The following ASTN2 variants were observed in gnomAD, a reference collection of about 807,000 sequenced individuals.
ASTN2 encodes the protein astrotactin 2, also known as astrotactin-2.
In ASTN2, 54 loss-of-function variants were observed where a neutral mutation model predicts 139.8. That is an observed-to-expected ratio of 0.39 (90% CI 0.31 to 0.48). The LOEUF (loss-of-function observed/expected upper bound fraction) is 0.48. Among genes scored for constraint, ASTN2 ranks in the 20% least tolerant of loss-of-function variants. The pLI, the probability that ASTN2 is intolerant of heterozygous loss-of-function variation, is 0.95. For synonymous variants in ASTN2, 756 were observed against 719.5 expected (o/e 1.05, Z -0.81); for missense variants, 1,565 against 1,725.1 (o/e 0.91, Z 1.64).
At chr9:116,806,804 A>T (rs1486003654) in intron 12 of ASTN2, among the ~76,000 whole-genome samples, 1 of 152,174 alleles carries the variant, frequency 6.6e-6, no homozygotes, top group African/African-American at 2.4e-5. Context: ...AAAAAACAGG[A>T]ATTGCAATAT....
chr9:116,686,262 C>T (rs1271351293), intron 16 of ASTN2, among the ~76,000 whole-genome samples: 1 of 152,140 alleles, frequency 6.6e-6, no homozygotes, highest in African/African-American at 2.4e-5. Context: ...CTAGGTTACA[C>T]AACAGGTGTA....
intron 19 of ASTN2, among the ~76,000 whole-genome samples, chr9:116,601,269 T>C (rs552671828): frequency 6.6e-6 from 1 of 152,192 alleles, no homozygotes; most frequent in African/African-American, 2.4e-5. Context: ...CCTTGTACGA[T>C]GTGTCAAAAA....
intron 6 of ASTN2, among the ~76,000 whole-genome samples, chr9:117,021,929 G>T (rs1837895352): frequency 1.3e-5 from 2 of 152,114 alleles, no homozygotes; most frequent in Non-Finnish European, 2.9e-5. Context: ...GTTCTACTGT[G>T]AAATAAAAGA....
rs186939039 is a variant in ASTN2 at position 117,316,622 on chromosome 9, C to T, written c.443-25109G>A. Among the ~76,000 whole-genome samples the T allele has an allele frequency of 1.2e-4, 18 of 152,268 alleles. No homozygotes were observed. In the East Asian group the frequency reaches 2.7e-3, roughly 23 times the overall value. ...GATGCTCAATCTGCTGGTATGCACT[C>T]TGGCTGAGGACATCACTCCCTCAGA... On this transcript the variant is annotated intron_variant, in intron 1 of 22. Transcript: ENST00000313400.
In ASTN2 at chr9:116,637,640, A is replaced by T. The variant is rs78007921; in HGVS notation, c.3072+13888T>A. 9.8e-5 allele frequency among the ~76,000 whole-genome samples: 15 copies of T among 152,296 alleles called. 1 individual carries two copies. The East Asian group carries it at 2.9e-3, about 29-fold the overall frequency. On this transcript the variant is annotated intron_variant, in intron 17 of 22. Transcript: ENST00000313400. ...AAGAAATGTATAGAAAAATACTTTG[A>T]TTCAATATAAAGAAGGGGCTGGGTA...
At chr9:116,570,776 T>C (rs1041691363) in intron 19 of ASTN2, among the ~76,000 whole-genome samples, 2 of 152,172 alleles carry the variant, frequency 1.3e-5, no homozygotes, top group Non-Finnish European at 2.9e-5. Context: ...CTCATCTGAA[T>C]CTGTTTCACT....
chr9:117,108,652 A>G (rs1400450409), intron 4 of ASTN2, among the ~76,000 whole-genome samples: 1 of 152,184 alleles, frequency 6.6e-6, no homozygotes, highest in East Asian at 1.9e-4. Flanking sequence ...CTCACTAGGG[A>G]AAACCTAGCA....
rs1180595871 is a variant in ASTN2 at position 117,196,315 on chromosome 9, T to C, written c.1015+18043A>G. Among the ~76,000 whole-genome samples the C allele has an allele frequency of 2.0e-5, 3 of 152,154 alleles. No individual in the cohort carries two copies. The East Asian group carries it at 5.8e-4, about 29-fold the overall frequency. On this transcript the variant is annotated intron_variant, in intron 3 of 22. Coordinates refer to ENST00000313400, the MANE Select transcript of ASTN2 (RefSeq NM_001365068.1). ...GAAGAGTGGTAGAAATCAGCTGTTG[T>C]CAGCAGCAGCAGCAACAGTATCCTA...
At chr9:116,465,969 T>C (rs1588085174) in intron 20 of ASTN2, among the ~76,000 whole-genome samples, 1 of 151,700 alleles carries the variant, frequency 6.6e-6, no homozygotes, top group East Asian at 1.9e-4. Context: ...CTCCATACTT[T>C]ATTTTATTTC....
At chr9:117,178,501 G>T (rs1830973703) in intron 3 of ASTN2, among the ~76,000 whole-genome samples, 1 of 152,320 alleles carries the variant, frequency 6.6e-6, no homozygotes, top group Admixed American at 6.5e-5. Flanking sequence ...ATGTCCAACA[G>T]GAGAGGCCAG....
At chr9:117,360,595 CAT>C (rs1201612557) in intron 1 of ASTN2, among the ~76,000 whole-genome samples, 2 of 152,140 alleles carry the variant, frequency 1.3e-5, no homozygotes, top group East Asian at 3.9e-4. Context: ...ATCCTAATAA[CAT>C]ATCGTATGAG....
chr9:116,870,501 C>G (rs902339495), intron 10 of ASTN2, among the ~76,000 whole-genome samples: 1 of 152,136 alleles, frequency 6.6e-6, no homozygotes, highest in Non-Finnish European at 1.5e-5. Context: ...TTTTCTTTGG[C>G]CTCCCAGCAG....
chr9:116,465,944 G>A (rs1281509495), intron 20 of ASTN2, among the ~76,000 whole-genome samples: 1 of 148,104 alleles, frequency 6.8e-6, no homozygotes, highest in East Asian at 2.1e-4. Context: ...GACACGTGGT[G>A]GCTTATTGTA....
At chr9:117,324,159 C>T (rs1218196422) in intron 1 of ASTN2, among the ~76,000 whole-genome samples, 1 of 152,064 alleles carries the variant, frequency 6.6e-6, no homozygotes, top group Non-Finnish European at 1.5e-5. Context: ...CACAGGAGGC[C>T]AGGACACCTA....
At chr9:117,225,872 C>T (rs1017821219) in intron 2 of ASTN2, among the ~76,000 whole-genome samples, 1 of 152,044 alleles carries the variant, frequency 6.6e-6, no homozygotes, top group Non-Finnish European at 1.5e-5. Context: ...TAGTCATTGG[C>T]TTAACTCTTA....
rs139435998 is a variant in ASTN2, at chr9:116,978,369, C to T, written c.1592-1584G>A. Among the ~76,000 whole-genome samples, 115 of 152,280 alleles carry T rather than the reference C, an allele frequency of 7.6e-4. 1 individual carries two copies. Among genetic ancestry groups the T allele is most frequent in the African/African-American group, 2.6e-3 (110 of 41,556 alleles). On this transcript the variant is annotated intron_variant, in intron 7 of 22. Transcript: ENST00000313400. ...ATGAATAATTAACTATCTGTTATTG[C>T]TCTGGTAAATTTCCAGGCTAATGAT... is the stretch of plus-strand genomic sequence containing the variant.
intron 10 of ASTN2, among the ~76,000 whole-genome samples, chr9:116,947,037 AGAG>A (rs1206763226): frequency 6.6e-6 from 1 of 151,856 alleles, no homozygotes; most frequent in Non-Finnish European, 1.5e-5. Flanking sequence ...GGTTATAAGG[AGAG>A]GAGAGGAATG....
intron 6 of ASTN2, among the ~76,000 whole-genome samples, chr9:117,035,662 A>C (rs1367742695): frequency 2.0e-5 from 3 of 152,164 alleles, no homozygotes; most frequent in Non-Finnish European, 4.4e-5. Context: ...GAGGAATGAG[A>C]TGAGCAGCAC....
At chr9:116,876,963 C>G (rs970245277) in intron 10 of ASTN2, among the ~76,000 whole-genome samples, 2 of 152,150 alleles carry the variant, frequency 1.3e-5, no homozygotes, top group Non-Finnish European at 2.9e-5. Flanking sequence ...AAGAGCAAAA[C>G]AAACATGTGC....
Sources: allele counts gnomAD v4.1 joint callset (sites outside exome capture counted in the v4.1 genomes callset), GRCh38; gene constraint gnomAD v4.1.1; transcripts MANE v1.5; gene names NCBI Gene and HGNC (gene_info 2026-07-23, HGNC 2026-07-21).